Variants in MINPP1 observed in about 807,000 individuals in gnomAD.
The protein encoded by MINPP1 is multiple inositol-polyphosphate phosphatase 1, also known as multiple inositol polyphosphate phosphatase 1.
A neutral mutation model predicts 46.1 loss-of-function variants in MINPP1; 28 were observed. That is an observed-to-expected ratio of 0.61 (90% confidence interval 0.45 to 0.83). The LOEUF (loss-of-function observed/expected upper bound fraction) is 0.83, where lower values mean the gene tolerates loss of function less well. MINPP1 is among the 40% of genes least tolerant of loss of function. MINPP1 has a pLI of 0.00. For synonymous variants in MINPP1, 268 were observed against 249.1 expected, an observed-to-expected ratio of 1.08 and a Z score of -0.72; for missense variants, 603 against 610.0, an observed-to-expected ratio of 0.99 and a Z score of 0.12.
chr10:87,505,466 A>G lies in MINPP1; in HGVS notation c.551A>G (p.Lys184Arg), dbSNP rs755500266. Reference protein sequence around the residue: ...YGRLRLITSSKHRCMDSSAAF... With the variant: ...YGRLRLITSSRHRCMDSSAAF... ...CGCCTGCGGCTCATCACCAGTTCCA[A>G]GCACCGCTGCATGGATAGCAGCGCC... Residue 184 changes from lysine to arginine, a missense_variant, in exon 1 of 5, where the codon AAG becomes AGG. Lys to Arg is a conservative substitution (Grantham distance 26, BLOSUM62 2). Around this residue, in one of 3 missense-constraint regions of MINPP1, gnomAD observed 344 missense variants for 381.1 expected, o/e 0.90. Transcript: ENST00000371996. This position sits in a 1 kb window ranked among gnomAD's most constrained non-coding sequence, Gnocchi z 4.4. 1.2e-6 allele frequency: 2 copies of G among 1,613,166 alleles called. No homozygotes were observed. The highest frequency in any genetic ancestry group is 2.2e-5 in the East Asian group (1 of 44,844).
chr10:87,516,839 C>T (rs1048635144), intron 3 of MINPP1, among the ~76,000 whole-genome samples: 6 of 151,730 alleles, frequency 4.0e-5, no homozygotes, highest in Admixed American at 6.6e-5. Context: ...TCAATTTTTT[C>T]TTTATTACAG....
At chr10:87,520,430 T>C (rs1296368087) in intron 3 of MINPP1, among the ~76,000 whole-genome samples, 1 of 152,178 alleles carries the variant, frequency 6.6e-6, no homozygotes, top group Non-Finnish European at 1.5e-5. Context: ...CCCTCTAGAA[T>C]GTCTATACCA....
intron 3 of MINPP1, among the ~76,000 whole-genome samples, chr10:87,515,302 G>A (rs1478622752): frequency 2.0e-5 from 3 of 151,830 alleles, no homozygotes; most frequent in Non-Finnish European, 2.9e-5. Context: ...CAGGAGAATC[G>A]CTTGAACCCA....
At chr10:87,523,356 G>GTT (rs34767942) in intron 4 of MINPP1, among the ~76,000 whole-genome samples, 6 of 144,756 alleles carry the variant, frequency 4.1e-5, no homozygotes, top group African/African-American at 5.1e-5. Context: ...TGAAATTTCT[G>GTT]TTTTTTTTTT....
Position 87,552,434 on chromosome 10 carries a change from G to C in MINPP1, c.1420G>C (p.Glu474Gln). 6.2e-7 allele frequency: 1 copy of C among 1,613,264 alleles called. No individual in the cohort carries two copies. The highest frequency in any genetic ancestry group is 1.1e-5 in the South Asian group (1 of 91,024). ...DILQSCQTSE[E>Q]CELARANSTS... Reference sequence around the variant, plus strand: ...CCTTCAGAGTTGTCAAACCAGTGAAGAATGTGAATTAGCAAGGGCTAACAG... The same window carrying C: ...CCTTCAGAGTTGTCAAACCAGTGAACAATGTGAATTAGCAAGGGCTAACAG... Residue 474 changes from glutamate to glutamine, a missense_variant, in exon 5 of 5, where the codon GAA becomes CAA. Coordinates refer to ENST00000371996, the MANE Select transcript of MINPP1 (RefSeq NM_004897.5).
intron 4 of MINPP1, among the ~76,000 whole-genome samples, chr10:87,529,141 G>A (rs1002422349): frequency 6.6e-6 from 1 of 152,176 alleles, no homozygotes; most frequent in Admixed American, 6.5e-5. Flanking sequence ...ACAGCACACT[G>A]ATGGGTCTTG....
intron 3 of MINPP1, among the ~76,000 whole-genome samples, chr10:87,518,196 C>T (rs1851441809): frequency 6.6e-6 from 1 of 150,576 alleles, no homozygotes; most frequent in Admixed American, 6.6e-5. Context: ...CCTGACCTCG[C>T]AATCCGCCTG....
At chr10:87,528,808 G>T (rs890361487) in intron 4 of MINPP1, among the ~76,000 whole-genome samples, 6 of 152,258 alleles carry the variant, frequency 3.9e-5, no homozygotes, top group African/African-American at 1.4e-4. Flanking sequence ...TGACAGTGGG[G>T]TGTTAAAGTC....
Position 87,520,618 on chromosome 10 carries a change from ATTC to A in MINPP1, c.934-409_934-407del, listed in dbSNP as rs541763563. 1.7e-4 allele frequency among the ~76,000 whole-genome samples: 26 copies of A among 152,300 alleles called. No homozygotes were observed. The East Asian group carries it at 2.1e-3, about 12-fold the overall frequency. ...GGTATCTTTCTGTGCTTTAATGAAT[ATTC>A]TTCTTCTTTATTCTTTCTTCTAAAT... On this transcript the variant is annotated intron_variant, in intron 3 of 4. Coordinates refer to ENST00000371996, the MANE Select transcript of MINPP1 (RefSeq NM_004897.5).
chr10:87,542,157 T>C (rs906619932), intron 4 of MINPP1, among the ~76,000 whole-genome samples: 1 of 152,146 alleles, frequency 6.6e-6, no homozygotes, highest in Non-Finnish European at 1.5e-5. Flanking sequence ...AAATGAGTTA[T>C]TTACTCCCAA....
intron 3 of MINPP1, among the ~76,000 whole-genome samples, chr10:87,517,328 C>T (rs1347788578): frequency 1.3e-5 from 2 of 152,136 alleles, no homozygotes; most frequent in African/African-American, 4.8e-5. Flanking sequence ...TATGAGGTCA[C>T]AGACATTTCT....
chr10:87,536,810 G>C (rs1851742411), intron 4 of MINPP1, among the ~76,000 whole-genome samples: 1 of 152,150 alleles, frequency 6.6e-6, no homozygotes, highest in African/African-American at 2.4e-5. Context: ...TGAACATTTG[G>C]TTATTCACAG....
intron 4 of MINPP1, among the ~76,000 whole-genome samples, chr10:87,545,301 C>A (rs1364059050): frequency 2.0e-5 from 3 of 149,304 alleles, no homozygotes; most frequent in Non-Finnish European, 4.5e-5. Flanking sequence ...TTCAAGCTTT[C>A]TTGACTTTTT....
At chr10:87,537,958 A>G (rs985092743) in intron 4 of MINPP1, among the ~76,000 whole-genome samples, 1 of 151,668 alleles carries the variant, frequency 6.6e-6, no homozygotes, top group Non-Finnish European at 1.5e-5. Context: ...TTTTTAATAC[A>G]TGGAACTTAT....
chr10:87,517,920 C>A (rs958820164), intron 3 of MINPP1, among the ~76,000 whole-genome samples: 1 of 151,400 alleles, frequency 6.6e-6, no homozygotes, highest in African/African-American at 2.4e-5. Context: ...CCTCAGCCTC[C>A]CAAACTGTTG....
chr10:87,531,140 C>T (rs925577233), intron 4 of MINPP1, among the ~76,000 whole-genome samples: 7 of 152,166 alleles, frequency 4.6e-5, no homozygotes, highest in African/African-American at 7.2e-5. Context: ...TCCCTGACCC[C>T]GTGCGCTTCC....
chr10:87,505,093 C>G lies in MINPP1; in HGVS notation c.178C>G (p.Leu60Val). 6.2e-7 allele frequency: 1 copy of G among 1,613,644 alleles called. No homozygotes were observed. Among genetic ancestry groups the G allele is most frequent in the Non-Finnish European group, 8.5e-7 (1 of 1,179,914 alleles). ...KTRYEDVNPV[L>V]LSGPEAPWRD... ...TCGCTACGAGGATGTCAACCCCGTG[C>G]TATTGTCGGGCCCCGAGGCTCCGTG... Residue 60 changes from leucine to valine, a missense_variant, in exon 1 of 5, where the codon CTA (leucine) becomes GTA (valine). Coordinates refer to ENST00000371996, the MANE Select transcript of MINPP1 (RefSeq NM_004897.5). The surrounding 1 kb of genome is among the most constrained non-coding windows in gnomAD (Gnocchi z 4.4).
At chr10:87,551,984 T>A (rs1851969516) in intron 4 of MINPP1, 98 bp from the exon 5 acceptor site, 1 of 954,830 alleles carries the variant, frequency 1.0e-6, no homozygotes, top group Non-Finnish European at 1.5e-6. Flanking sequence ...TGGGATTATT[T>A]AAACTAAAAA....
At chr10:87,543,817 G>T (rs901941971) in intron 4 of MINPP1, among the ~76,000 whole-genome samples, 1 of 152,138 alleles carries the variant, frequency 6.6e-6, no homozygotes, top group African/African-American at 2.4e-5. Flanking sequence ...ATCACCAAGG[G>T]GATGGCACTA....
Sources: gnomAD v4.1 joint callset for allele counts (sites outside exome capture counted in the v4.1 genomes callset) on GRCh38, gnomAD v4.1.1 for gene constraint, gnomAD v4.1.1 regional missense constraint, Gnocchi (gnomAD v3.1) non-coding constraint, MANE v1.5 for transcripts, NCBI Gene and HGNC (gene_info 2026-07-23, HGNC 2026-07-21) for gene names.